Variants in TRIM36 observed in about 807,000 individuals in gnomAD.
TRIM36 encodes the protein E3 ubiquitin-protein ligase TRIM36.
TRIM36 carries 42 observed loss-of-function variants against 72.4 expected under a neutral mutation model. The ratio of observed to expected loss-of-function variants is 0.58; its 90% CI spans 0.45 to 0.75. The LOEUF (loss-of-function observed/expected upper bound fraction) is 0.75. TRIM36 is among the 30% of genes least tolerant of loss of function. The probability of loss-of-function intolerance (pLI) is 0.00; values close to 1 mark genes in which losing one functional copy is unlikely to be tolerated. For missense variants in TRIM36, 913 were observed against 857.1 expected (o/e 1.07, Z -0.81); for synonymous variants, 315 against 282.8 (o/e 1.11, Z -1.14).
At chr5:115,138,947 C>G (rs1290004222) in intron 5 of TRIM36, among the ~76,000 whole-genome samples, 1 of 152,042 alleles carries the variant, frequency 6.6e-6, no homozygotes, top group Non-Finnish European at 1.5e-5. Context: ...TCCCGAGTAG[C>G]TGGGACTACG....
At chr5:115,131,808 A>T (rs1272906733) in intron 8 of TRIM36, among the ~76,000 whole-genome samples, 1 of 152,210 alleles carries the variant, frequency 6.6e-6, no homozygotes, top group Non-Finnish European at 1.5e-5. Flanking sequence ...TTCCAGTTAT[A>T]TGAGATACCT....
At chr5:115,146,691 A>G (rs1753612237) in intron 3 of TRIM36, among the ~76,000 whole-genome samples, 1 of 152,236 alleles carries the variant, frequency 6.6e-6, no homozygotes, top group Non-Finnish European at 1.5e-5. Context: ...TTTCGCAGTC[A>G]AACCTTTTAA....
chr5:115,129,301 G>A (rs1266997869), intron 9 of TRIM36, among the ~76,000 whole-genome samples: 2 of 152,184 alleles, frequency 1.3e-5, no homozygotes, highest in Non-Finnish European at 1.5e-5. Flanking sequence ...GGTGGCTCAC[G>A]CCTGTAATCC....
intron 9 of TRIM36, 80 bp from the exon 10 acceptor site, chr5:115,126,937 T>C: frequency 5.3e-6 from 7 of 1,311,810 alleles, no homozygotes; most frequent in Middle Eastern, 1.9e-4. Flanking sequence ...ATAATATACA[T>C]TGATGTAAAG....
rs1429418476 is a variant in TRIM36 at position 115,163,725 on chromosome 5, G to A, written c.55C>T (p.Leu19Phe). ...PVTIKNIERE[L>F]ICPACKELFT... ...AGCTCCTTGCATGCTGGGCAAATGA[G>A]CTCCCTTTCGATATTCTTAATGGTA... The change falls in exon 2 of 10, where the codon CTC (leucine) becomes TTC (phenylalanine). Residue 19 changes from leucine to phenylalanine, a missense_variant. Physicochemically the swap from Leu to Phe is conservative, Grantham distance 22. Transcript: ENST00000513154. 1 of 1,613,976 alleles carries A rather than the reference G, an allele frequency of 6.2e-7. No individual in the cohort carries two copies. The highest frequency in any genetic ancestry group is 8.5e-7 in the Non-Finnish European group (1 of 1,180,022).
intron 1 of TRIM36, among the ~76,000 whole-genome samples, chr5:115,178,361 T>C (rs377528079): frequency 2.6e-5 from 4 of 152,178 alleles, no homozygotes; most frequent in Admixed American, 2.0e-4. Context: ...CGTTCCCAAA[T>C]AGATGCCCCT....
At chr5:115,139,527 G>C (rs1348222650) in intron 5 of TRIM36, among the ~76,000 whole-genome samples, 1 of 152,186 alleles carries the variant, frequency 6.6e-6, no homozygotes, top group Non-Finnish European at 1.5e-5. Flanking sequence ...CAGATCTCCT[G>C]TTTCCTAACC....
chr5:115,129,487 G>A (rs971934694), intron 9 of TRIM36, among the ~76,000 whole-genome samples: 7 of 152,190 alleles, frequency 4.6e-5, no homozygotes, highest in Non-Finnish European at 7.3e-5. Flanking sequence ...GAACCCGGGA[G>A]GCAGAGGTTG....
chr5:115,167,053 C>T (rs926372022), intron 1 of TRIM36, among the ~76,000 whole-genome samples: 3 of 152,234 alleles, frequency 2.0e-5, no homozygotes, highest in African/African-American at 7.2e-5. Context: ...CAAGCACAGC[C>T]TGCTGGGTCA....
chr5:115,164,821 T>G (rs1402284474), intron 1 of TRIM36, among the ~76,000 whole-genome samples: 1 of 152,236 alleles, frequency 6.6e-6, no homozygotes, highest in Non-Finnish European at 1.5e-5. Flanking sequence ...CAAAGTCTCA[T>G]CTGAGACAAA....
At chr5:115,179,305 C>T (rs1292344144) in intron 1 of TRIM36, among the ~76,000 whole-genome samples, 1 of 152,186 alleles carries the variant, frequency 6.6e-6, no homozygotes, top group African/African-American at 2.4e-5. Flanking sequence ...ACCGACGGCG[C>T]CAGCCTGCGT....
chr5:115,177,651 G>C (rs1755395982), intron 1 of TRIM36: 2 of 1,585,824 alleles, frequency 1.3e-6, no homozygotes, highest in African/African-American at 1.3e-5. Flanking sequence ...TTGAGCCTGA[G>C]GAGAGTGGTA....
At chr5:115,142,751 C>T (rs1016482677) in intron 4 of TRIM36, among the ~76,000 whole-genome samples, 3 of 152,208 alleles carry the variant, frequency 2.0e-5, no homozygotes, top group African/African-American at 7.2e-5. Flanking sequence ...GTACCACACA[C>T]TGAAAATAGG....
Position 115,126,284 on chromosome 5 carries a change from T to C in TRIM36, c.*219A>G. ...AGTTGCAAAGTTAACCACTTCAGTA[T>C]TAACTTGGAAAGAACATCTTCACTT... On this transcript the variant is annotated 3_prime_UTR_variant, in exon 10 of 10. Transcript: ENST00000513154. 1 of 513,698 alleles carries C rather than the reference T, an allele frequency of 1.9e-6. No individual in the cohort carries two copies. The highest frequency in any genetic ancestry group is 3.4e-6 in the Non-Finnish European group (1 of 291,290). 31.8% of individuals were successfully genotyped at this position (513,698 alleles called of 1,614,324 possible). A position where few individuals can be genotyped will look rare whatever the true frequency, so the allele number is the denominator to read the frequency against.
At chr5:115,130,911 T>A (rs772260665) in intron 8 of TRIM36, 22 bp from the exon 9 acceptor site, 7 of 1,589,254 alleles carry the variant, frequency 4.4e-6, no homozygotes, top group Non-Finnish European at 6.0e-6. Context: ...TTAAAATTAA[T>A]ATCAGGCTAA....
At chr5:115,173,547 C>T (rs956904935), upstream of TRIM36, among the ~76,000 whole-genome samples, 7 of 146,038 alleles carry the variant, frequency 4.8e-5, no homozygotes, top group East Asian at 3.9e-4. Flanking sequence ...TGTGTGTGCG[C>T]GCACGCATGT....
Position 115,134,112 on chromosome 5 carries a change from T to C in TRIM36, c.1246A>G (p.Lys416Glu). 5 of 1,610,258 alleles carry C rather than the reference T, an allele frequency of 3.1e-6. No homozygotes were observed. Among genetic ancestry groups the C allele is most frequent in the Non-Finnish European group, 3.4e-6 (4 of 1,178,292 alleles). The change falls in exon 8 of 10, where the codon AAA (lysine) becomes GAA (glutamate). Residue 416 changes from lysine (K) to glutamate (E), a missense_variant. Coordinates refer to ENST00000513154, the MANE Select transcript of TRIM36 (RefSeq NM_001300759.2). ...TTTATCAAGGCATTGTTATAAACTT[T>C]GCTCTGTTCCTCATTGATCTCTGGC... ...DVPEINEEQS[K>E]VYNNALINWH...
rs1753007766 is a variant in TRIM36, at chr5:115,137,180, A to C, written c.1086-56T>G. 3 of 1,520,040 alleles carry C rather than the reference A, an allele frequency of 2.0e-6. No homozygotes were observed. In the East Asian group the frequency reaches 6.9e-5, roughly 35 times the overall value. The allele number at this position is 1,520,040 out of a possible 1,614,324, so 94.2% of individuals were successfully genotyped here. A position where few individuals can be genotyped will look rare whatever the true frequency, so the allele number is the denominator to read the frequency against. On this transcript the variant is annotated intron_variant, in intron 6 of 9. Transcript: ENST00000513154. ...TCTTTAAGAAGTCAAATCAGACTAA[A>C]TATCTGCAACATGATTAACAAAATA...
chr5:115,139,394 T>C (rs965648451), intron 5 of TRIM36, among the ~76,000 whole-genome samples: 3 of 152,240 alleles, frequency 2.0e-5, no homozygotes, highest in African/African-American at 7.2e-5. Context: ...GTGCTGAGAT[T>C]ACAGGCGTGA....
Sources: allele counts gnomAD v4.1 joint callset (sites outside exome capture counted in the v4.1 genomes callset), GRCh38; gene constraint gnomAD v4.1.1; transcripts MANE v1.5; gene names NCBI Gene and HGNC (gene_info 2026-07-23, HGNC 2026-07-21).